Variants in LRRFIP2 observed in about 807,000 individuals in gnomAD.
LRRFIP2 encodes the protein LRR binding FLII interacting protein 2.
A neutral mutation model predicts 125.9 loss-of-function variants in LRRFIP2; 109 were observed. The observed-to-expected ratio is 0.87, with a 90% CI of 0.74 to 1.01. LRRFIP2 has a LOEUF of 1.01. LRRFIP2 is among the 50% of genes least tolerant of loss of function. The probability of loss-of-function intolerance (pLI) is 0.00; values close to 1 mark genes in which losing one functional copy is unlikely to be tolerated. For missense variants in LRRFIP2, 850 were observed against 862.3 expected (o/e 0.99, Z 0.18); for synonymous variants, 291 against 293.1 (o/e 0.99, Z 0.07).
intron 6 of LRRFIP2, 116 bp downstream of exon 6, chr3:37,121,376 A>G: frequency 1.1e-6 from 1 of 922,622 alleles, no homozygotes; most frequent in Non-Finnish European, 1.7e-6. Context: ...CCAATATTTT[A>G]TACTTCTTTT....
intron 4 of LRRFIP2, 150 bp from the exon 5 acceptor site, chr3:37,121,841 CGTGTGTGT>C (rs60540567): frequency 0.057 from 29,434 of 519,318 alleles, 559 homozygotes; most frequent in African/African-American, 0.11. Flanking sequence ...CAGCCACATT[CGTGTGTGT>C]GTGTGTGTGT....
intron 24 of LRRFIP2, among the ~76,000 whole-genome samples, chr3:37,061,601 C>G (rs1209167722): frequency 6.6e-6 from 1 of 151,864 alleles, no homozygotes; most frequent in Non-Finnish European, 1.5e-5. Context: ...CCATGTTGGC[C>G]AGGCTGGTCT....
intron 2 of LRRFIP2, chr3:37,143,416 A>C (rs140900674): frequency 2.6e-3 from 444 of 168,108 alleles, no homozygotes; most frequent in Middle Eastern, 6.3e-3. Context: ...AGGGGAGAGA[A>C]GGCAATGCCT....
At chr3:37,150,888 C>T (rs2096004247) in intron 1 of LRRFIP2, among the ~76,000 whole-genome samples, 1 of 152,112 alleles carries the variant, frequency 6.6e-6, no homozygotes, top group Non-Finnish European at 1.5e-5. Context: ...AGAACTATTC[C>T]ACCAAAAAGT....
rs942650680 is a variant in LRRFIP2, at chr3:37,130,635, T to C, written c.91-1486A>G. On this transcript the variant is annotated intron_variant, in intron 2 of 27. Transcript: ENST00000336686. ...AAATTGTACGCCATTCTGAGTAGTA[T>C]GATAAAATCTCTCAGGACGTCAATC... Among the ~76,000 whole-genome samples the C allele has an allele frequency of 2.6e-5, 4 of 152,242 alleles. No homozygotes were observed. In the South Asian group the frequency reaches 6.2e-4, roughly 24 times the overall value.
intron 4 of LRRFIP2, among the ~76,000 whole-genome samples, chr3:37,126,656 C>A (rs554388670): frequency 2.0e-5 from 3 of 151,756 alleles, no homozygotes; most frequent in East Asian, 3.9e-4. Context: ...GTCAGTAGTT[C>A]GAGACCAGCC....
At chr3:37,070,138 G>A (rs2090919860) in intron 21 of LRRFIP2, among the ~76,000 whole-genome samples, 2 of 142,948 alleles carry the variant, frequency 1.4e-5, no homozygotes, top group African/African-American at 5.1e-5. Flanking sequence ...TTTTGAAACA[G>A]GGTTTTGGTC....
At position 37,121,645 on chromosome 3, in the gene LRRFIP2, C is replaced by A. The variant is rs765165432; in HGVS notation, c.275G>T (p.Arg92Leu). 6.2e-7 allele frequency: 1 copy of A among 1,614,120 alleles called. No homozygotes were observed. The highest frequency in any genetic ancestry group is 1.1e-5 in the South Asian group (1 of 91,082). The change falls in exon 5 of 28, where the codon CGT becomes CTT. Residue 92 changes from arginine (R) to leucine (L), a missense_variant. Physicochemically the swap from Arg to Leu is moderately radical, Grantham distance 102 (BLOSUM62 -2). Transcript: ENST00000336686. ...TAGGTTATTACAAACCAGATAAGGA[C>A]GATGGTGACTGGACCGGTGGGAATA... Reference protein sequence around the residue: ...ARYSHRSSHHRPYLGVEDALS... With the variant: ...ARYSHRSSHHLPYLGVEDALS...
At chr3:37,149,139 C>T (rs1199839733) in intron 1 of LRRFIP2, 101 bp from the exon 2 acceptor site, 2 of 798,562 alleles carry the variant, frequency 2.5e-6, no homozygotes, top group Non-Finnish European at 3.7e-6. Flanking sequence ...CACCAAATAC[C>T]TCTTCCCACT....
chr3:37,134,178 T>A (rs1292671589), intron 2 of LRRFIP2, among the ~76,000 whole-genome samples: 1 of 123,448 alleles, frequency 8.1e-6, no homozygotes, highest in Non-Finnish European at 1.9e-5. Context: ...CAAGACTCTG[T>A]CTCAAAAAAA....
chr3:37,070,261 G>A (rs1360014652), intron 21 of LRRFIP2, among the ~76,000 whole-genome samples: 2 of 151,668 alleles, frequency 1.3e-5, no homozygotes, highest in Non-Finnish European at 2.9e-5. Flanking sequence ...TTACAGGTGT[G>A]CACCACCATG....
At chr3:37,090,957 C>G (rs1576405229) in intron 18 of LRRFIP2, among the ~76,000 whole-genome samples, 1 of 152,092 alleles carries the variant, frequency 6.6e-6, no homozygotes. Flanking sequence ...TTTCATTTAG[C>G]GTGGAAGAAA....
chr3:37,080,636 T>A (rs1004949227), intron 19 of LRRFIP2, among the ~76,000 whole-genome samples: 3 of 151,992 alleles, frequency 2.0e-5, no homozygotes, highest in African/African-American at 7.3e-5. Context: ...CCTCTGTGCC[T>A]AACTACCTAT....
At chr3:37,127,514 T>C (rs984467393) in intron 4 of LRRFIP2, 116 bp downstream of exon 4, 8 of 987,080 alleles carry the variant, frequency 8.1e-6, no homozygotes, top group Non-Finnish European at 1.1e-5. Flanking sequence ...CTCTGACCTT[T>C]AGGTTCACAC....
chr3:37,169,915 C>T (rs2096562273), intron 1 of LRRFIP2, among the ~76,000 whole-genome samples: 3 of 152,250 alleles, frequency 2.0e-5, no homozygotes, highest in Non-Finnish European at 2.9e-5. Context: ...AGCTCTTTAC[C>T]ACTTTCTTTC....
At chr3:37,173,394 T>C (rs924688092) in intron 1 of LRRFIP2, among the ~76,000 whole-genome samples, 1 of 152,172 alleles carries the variant, frequency 6.6e-6, no homozygotes, top group Non-Finnish European at 1.5e-5. Context: ...CTCACTATGT[T>C]GCCCAGACTG....
intron 15 of LRRFIP2, 118 bp from the exon 16 acceptor site, chr3:37,096,778 CAT>C: frequency 1.8e-6 from 1 of 556,542 alleles, no homozygotes; most frequent in Non-Finnish European, 3.2e-6. Context: ...TAAAAATAAA[CAT>C]ATTAAAAATG....
chr3:37,070,100 C>G (rs2090902505), intron 21 of LRRFIP2, among the ~76,000 whole-genome samples: 1 of 148,068 alleles, frequency 6.8e-6, no homozygotes, highest in South Asian at 2.1e-4. Context: ...TATAGGATCT[C>G]TGTTAAATTT....
intron 8 of LRRFIP2, 113 bp from the exon 9 acceptor site, chr3:37,111,178 T>G (rs1284482149): frequency 1.5e-6 from 1 of 667,936 alleles, no homozygotes; most frequent in East Asian, 2.9e-5. Context: ...CCAAATCCCT[T>G]CTTCTCCAAA....
Sources: gnomAD v4.1 joint callset for allele counts (sites outside exome capture counted in the v4.1 genomes callset) on GRCh38, gnomAD v4.1.1 for gene constraint, MANE v1.5 for transcripts, NCBI Gene and HGNC (gene_info 2026-07-23, HGNC 2026-07-21) for gene names.